CDIN1: variants seen among roughly 807,000 people sequenced by gnomAD.
CDIN1 encodes the protein CDAN1-interacting nuclease 1.
CDIN1 carries 33 observed loss-of-function variants against 45.3 expected under a neutral mutation model. The ratio of observed to expected loss-of-function variants is 0.73; its 90% CI spans 0.55 to 0.97. CDIN1 has a LOEUF of 0.97. Among genes scored for constraint, CDIN1 ranks in the 50% least tolerant of loss-of-function variants. CDIN1 has a pLI of 0.00. For synonymous variants in CDIN1, 118 were observed against 124.4 expected, an observed-to-expected ratio of 0.95 and a Z score of 0.34; for missense variants, 303 against 339.4, an observed-to-expected ratio of 0.89 and a Z score of 0.84.
At chr15:36,776,448 A>C (rs1220287884) in intron 10 of CDIN1, among the ~76,000 whole-genome samples, 1 of 152,222 alleles carries the variant, frequency 6.6e-6, no homozygotes, top group Non-Finnish European at 1.5e-5. Context: ...GGCCTCTTGA[A>C]ACTAACTTTC....
chr15:36,688,375 A>G (rs1748834718), intron 5 of CDIN1, among the ~76,000 whole-genome samples: 1 of 152,192 alleles, frequency 6.6e-6, no homozygotes, highest in South Asian at 2.1e-4. Context: ...TCTTTATGTT[A>G]AAAATACTTC....
At chr15:36,598,562 C>G (rs953342317) in intron 1 of CDIN1, among the ~76,000 whole-genome samples, 1 of 152,056 alleles carries the variant, frequency 6.6e-6, no homozygotes, top group African/African-American at 2.4e-5. Flanking sequence ...TTTCATTTTC[C>G]TTGTCCTGGA....
chr15:36,747,840 A>G (rs778990138), intron 10 of CDIN1, among the ~76,000 whole-genome samples: 2 of 152,176 alleles, frequency 1.3e-5, no homozygotes, highest in Admixed American at 6.5e-5. Flanking sequence ...CCCCGAGCCA[A>G]CCACATGCTG....
chr15:36,650,422 AT>A (rs1211205326), intron 3 of CDIN1, among the ~76,000 whole-genome samples: 1 of 76,462 alleles, frequency 1.3e-5, no homozygotes, highest in African/African-American at 5.5e-5. Context: ...TTATTTATTT[AT>A]TTATTTATTT....
intron 1 of CDIN1, 148 bp downstream of exon 1, chr15:36,580,109 G>T (rs774297129): frequency 8.3e-5 from 56 of 677,922 alleles, no homozygotes; most frequent in Non-Finnish European, 1.2e-4. Flanking sequence ...GGCGAAAAAA[G>T]GTTTATTCTT....
Position 36,709,245 on chromosome 15 carries a change from G to C in CDIN1, c.567G>C (p.Lys189Asn), listed in dbSNP as rs898161481. The change falls in exon 9 of 11, where the codon AAG becomes AAC. Residue 189 changes from lysine (K) to asparagine (N), a missense_variant. Transcript: ENST00000566621. Reference sequence around the variant, plus strand: ...TAGATGAAGATCAGCTTCGTGCAAAGGGTTATGACAAAACACCAGACTTCA... The same window carrying C: ...TAGATGAAGATCAGCTTCGTGCAAACGGTTATGACAAAACACCAGACTTCA... Reference protein sequence around the residue: ...SFLDEDQLRAKGYDKTPDFIL... With the variant: ...SFLDEDQLRANGYDKTPDFIL... 2 of 1,603,230 alleles carry C rather than the reference G, an allele frequency of 1.2e-6. No homozygotes were observed. The highest frequency in any genetic ancestry group is 1.7e-6 in the Non-Finnish European group (2 of 1,174,330).
chr15:36,588,919 T>C (rs2037435416), intron 1 of CDIN1, among the ~76,000 whole-genome samples: 1 of 152,184 alleles, frequency 6.6e-6, no homozygotes, highest in Non-Finnish European at 1.5e-5. Flanking sequence ...AGAATCCACA[T>C]GCTATAATTA....
chr15:36,708,300 C>T (rs895372489), intron 8 of CDIN1: 2 of 152,078 alleles, frequency 1.3e-5, no homozygotes, highest in Non-Finnish European at 2.9e-5. Flanking sequence ...TTCCTTGTTA[C>T]TTGGTCGGGC....
intron 10 of CDIN1, among the ~76,000 whole-genome samples, chr15:36,772,173 A>C (rs974724461): frequency 7.2e-5 from 11 of 152,134 alleles, no homozygotes; most frequent in Admixed American, 2.0e-4. Context: ...ACAATTCTGA[A>C]ATCCCAAAAA....
chr15:36,640,803 A>ATACTCG, intron 1 of CDIN1: 1 of 279,520 alleles, frequency 3.6e-6, no homozygotes, highest in African/African-American at 2.3e-5. Flanking sequence ...CATGTTACCG[A>ATACTCG]GTATCTTAGC....
intron 10 of CDIN1, among the ~76,000 whole-genome samples, chr15:36,792,086 C>T (rs1030218225): frequency 6.6e-6 from 1 of 152,140 alleles, no homozygotes; most frequent in African/African-American, 2.4e-5. Context: ...CAGCCAGGAA[C>T]GCCTCTAAAA....
chr15:36,605,749 C>T (rs2038336007), intron 1 of CDIN1, among the ~76,000 whole-genome samples: 2 of 152,142 alleles, frequency 1.3e-5, no homozygotes, highest in South Asian at 4.1e-4. Flanking sequence ...AGGGAGAGTA[C>T]CTCCAAATTT....
chr15:36,709,435 C>T, intron 9 of CDIN1, 147 bp downstream of exon 9: 1 of 511,000 alleles, frequency 2.0e-6, no homozygotes, highest in South Asian at 4.7e-5. Context: ...ATAATAGGTT[C>T]AGAAGAAATC....
chr15:36,751,228 TTTATATATATATATATATA>T (rs1021677358), intron 10 of CDIN1, among the ~76,000 whole-genome samples: 1 of 65,900 alleles, frequency 1.5e-5, no homozygotes, highest in Non-Finnish European at 3.0e-5. Flanking sequence ...ATATGCTTAT[TTTATATATATATATATATA>T]TATATATATA....
chr15:36,782,205 A>G (rs1247256235), intron 10 of CDIN1, among the ~76,000 whole-genome samples: 1 of 152,206 alleles, frequency 6.6e-6, no homozygotes, highest in South Asian at 2.1e-4. Context: ...CATAATTTAT[A>G]AACTAAATTA....
chr15:36,696,978 A>G (rs1295431952), intron 7 of CDIN1, among the ~76,000 whole-genome samples: 2 of 145,480 alleles, frequency 1.4e-5, no homozygotes, highest in African/African-American at 5.1e-5. Flanking sequence ...AAAATTACCC[A>G]GGCGTGGTGG....
At chr15:36,726,718 C>G in intron 10 of CDIN1, among the ~76,000 whole-genome samples, 1 of 152,318 alleles carries the variant, frequency 6.6e-6, no homozygotes, top group South Asian at 2.1e-4. Flanking sequence ...CACCACTCAG[C>G]ACTATTCTCA....
intron 1 of CDIN1, among the ~76,000 whole-genome samples, chr15:36,600,108 G>A (rs1339095536): frequency 6.6e-6 from 1 of 152,186 alleles, no homozygotes; most frequent in Non-Finnish European, 1.5e-5. Context: ...AATTTCAGCA[G>A]GGTTTTGTCC....
intron 1 of CDIN1, among the ~76,000 whole-genome samples, chr15:36,597,562 C>G (rs1375378175): frequency 2.0e-5 from 3 of 152,160 alleles, no homozygotes; most frequent in African/African-American, 2.4e-5. Flanking sequence ...GATTATTTTC[C>G]TATTTTTCGT....
Sources: gnomAD v4.1 joint callset for allele counts (sites outside exome capture counted in the v4.1 genomes callset) on GRCh38, gnomAD v4.1.1 for gene constraint, MANE v1.5 for transcripts, NCBI Gene and HGNC (gene_info 2026-07-23, HGNC 2026-07-21) for gene names.